CHCHD3: variants seen among roughly 807,000 people sequenced by gnomAD.
CHCHD3 encodes the protein coiled-coil-helix-coiled-coil-helix domain containing 3, also known as MICOS complex subunit MIC19.
In CHCHD3, 20 loss-of-function variants were observed where a neutral mutation model predicts 38.2. The observed-to-expected ratio is 0.52, with a 90% CI of 0.37 to 0.76. The LOEUF (loss-of-function observed/expected upper bound fraction) is 0.76, where lower values mean the gene tolerates loss of function less well. Among genes scored for constraint, CHCHD3 ranks in the 30% least tolerant of loss-of-function variants. The pLI is 0.00. For synonymous variants in CHCHD3, 82 were observed against 100.0 expected (o/e 0.82, Z 1.07); for missense variants, 245 against 279.2 (o/e 0.88, Z 0.87).
At chr7:133,010,690 T>G (rs1419358344) in intron 3 of CHCHD3, among the ~76,000 whole-genome samples, 2 of 152,098 alleles carry the variant, frequency 1.3e-5, no homozygotes, top group Non-Finnish European at 2.9e-5. Flanking sequence ...GCGATTCTCG[T>G]GCCTCAGCCT....
chr7:132,889,723 G>C (rs1809313641), intron 4 of CHCHD3, among the ~76,000 whole-genome samples: 1 of 152,164 alleles, frequency 6.6e-6, no homozygotes, highest in Non-Finnish European at 1.5e-5. Context: ...ACATTGCTTT[G>C]AAACAGTTAA....
chr7:132,887,034 G>C, intron 4 of CHCHD3: 2 of 1,098,208 alleles, frequency 1.8e-6, no homozygotes, highest in Non-Finnish European at 2.3e-6. Context: ...AACAACATAA[G>C]TACTGTTTTT....
At chr7:133,004,727 A>G (rs533038777) in intron 3 of CHCHD3, among the ~76,000 whole-genome samples, 1 of 152,238 alleles carries the variant, frequency 6.6e-6, no homozygotes, top group Non-Finnish European at 1.5e-5. Flanking sequence ...AGAGTGGGCA[A>G]ACTTTTTTAA....
chr7:132,843,678 T>A (rs1335000946), intron 5 of CHCHD3, among the ~76,000 whole-genome samples: 2 of 152,184 alleles, frequency 1.3e-5, no homozygotes, highest in African/African-American at 4.8e-5. Flanking sequence ...TTCAGAAAGG[T>A]TGCTTTTGTT....
At chr7:132,832,386 T>C (rs1388835129) in intron 6 of CHCHD3, among the ~76,000 whole-genome samples, 2 of 152,240 alleles carry the variant, frequency 1.3e-5, no homozygotes, top group African/African-American at 4.8e-5. Context: ...CATAGACTTG[T>C]ACTTCTTTAG....
In CHCHD3 at chr7:132,991,043, C is replaced by A. The variant is rs1048612874; in HGVS notation, c.252-15757G>T. Among the ~76,000 whole-genome samples the A allele has an allele frequency of 3.0e-4, 46 of 151,530 alleles. 1 individual carries two copies. The highest frequency in any genetic ancestry group is 4.0e-4 in the Non-Finnish European group (27 of 67,966). ...GCTAAATGTTAAAGCTTAGCATGCT[C>A]CTCCATGAAGCCAGAGTAAACATTT... On this transcript the variant is annotated intron_variant, in intron 3 of 7. Transcript: ENST00000262570.
chr7:133,036,770 A>G (rs891333636), intron 2 of CHCHD3, among the ~76,000 whole-genome samples: 1 of 152,106 alleles, frequency 6.6e-6, no homozygotes, highest in Admixed American at 6.5e-5. Context: ...ACAGAATGAA[A>G]CTCTTCAATT....
intron 7 of CHCHD3, among the ~76,000 whole-genome samples, chr7:132,790,926 C>T (rs1009461795): frequency 6.6e-6 from 1 of 152,160 alleles, no homozygotes; most frequent in Non-Finnish European, 1.5e-5. Flanking sequence ...CTGATTCCCA[C>T]ATCATCTTCC....
chr7:132,981,678 G>A (rs1811921620), intron 3 of CHCHD3, among the ~76,000 whole-genome samples: 1 of 152,140 alleles, frequency 6.6e-6, no homozygotes, highest in Non-Finnish European at 1.5e-5. Context: ...TTATCTTCAT[G>A]TAGGTTGACA....
At chr7:132,843,244 C>T (rs1167781692) in intron 5 of CHCHD3, among the ~76,000 whole-genome samples, 1 of 151,958 alleles carries the variant, frequency 6.6e-6, no homozygotes, top group African/African-American at 2.4e-5. Flanking sequence ...CTATGGACCA[C>T]CTGCTTCAGA....
At chr7:132,950,546 G>A (rs1322630969) in intron 4 of CHCHD3, among the ~76,000 whole-genome samples, 2 of 152,268 alleles carry the variant, frequency 1.3e-5, no homozygotes, top group East Asian at 3.9e-4. Context: ...ATAAGACAGA[G>A]TATGTAAGAC....
At chr7:132,855,794 T>C (rs534351543) in intron 5 of CHCHD3, among the ~76,000 whole-genome samples, 51 of 151,440 alleles carry the variant, frequency 3.4e-4, no homozygotes, top group African/African-American at 1.2e-3. Flanking sequence ...CCTAAAAGTT[T>C]TACCCCTCAA....
chr7:132,965,266 T>A (rs1261254062), intron 4 of CHCHD3, among the ~76,000 whole-genome samples: 1 of 152,142 alleles, frequency 6.6e-6, no homozygotes. Context: ...TGCTAAATTG[T>A]GCCCAAAATA....
intron 4 of CHCHD3, among the ~76,000 whole-genome samples, chr7:132,958,779 A>C (rs1811242258): frequency 6.6e-6 from 1 of 152,204 alleles, no homozygotes. Context: ...GTCTTACTAT[A>C]ATCTGTGAGC....
chr7:133,012,722 C>A (rs891410234), intron 3 of CHCHD3, among the ~76,000 whole-genome samples: 11 of 149,340 alleles, frequency 7.4e-5, no homozygotes. Context: ...TGAGATTGCA[C>A]CACTGCACTC....
chr7:132,998,840 C>T (rs1812491873), intron 3 of CHCHD3, among the ~76,000 whole-genome samples: 1 of 152,066 alleles, frequency 6.6e-6, no homozygotes, highest in Admixed American at 6.5e-5. Context: ...GGGTAATCTG[C>T]ACAGATTATT....
chr7:132,828,740 G>GT (rs1807569096), intron 6 of CHCHD3, among the ~76,000 whole-genome samples: 1 of 152,142 alleles, frequency 6.6e-6, no homozygotes, highest in South Asian at 2.1e-4. Flanking sequence ...AACCAGGGAA[G>GT]GGCTGATAGC....
chr7:132,857,969 A>G (rs1201723772), intron 5 of CHCHD3, among the ~76,000 whole-genome samples: 1 of 152,240 alleles, frequency 6.6e-6, no homozygotes, highest in Admixed American at 6.5e-5. Context: ...CTTCTCCACA[A>G]GAAGAACTGG....
intron 3 of CHCHD3, among the ~76,000 whole-genome samples, chr7:132,992,746 A>G (rs192178593): frequency 6.6e-6 from 1 of 152,286 alleles, no homozygotes; most frequent in African/African-American, 2.4e-5. Context: ...TTGCTCACAT[A>G]ATATTTCTGT....
Sources: allele counts gnomAD v4.1 joint callset (sites outside exome capture counted in the v4.1 genomes callset), GRCh38; gene constraint gnomAD v4.1.1; transcripts MANE v1.5; gene names NCBI Gene and HGNC (gene_info 2026-07-23, HGNC 2026-07-21).